Variants in ADAMTS16 observed in about 807,000 individuals in gnomAD.
ADAMTS16 encodes ADAM metallopeptidase with thrombospondin type 1 motif 16.
A neutral mutation model predicts 145.8 loss-of-function variants in ADAMTS16; 94 were observed. The observed-to-expected ratio is 0.64, with a 90% CI of 0.55 to 0.77. The LOEUF (loss-of-function observed/expected upper bound fraction) is 0.77, where lower values mean the gene tolerates loss of function less well. ADAMTS16 is among the 30% of genes least tolerant of loss of function. The pLI is 0.00. For missense variants in ADAMTS16, 1,585 were observed against 1,591.5 expected (o/e 1.00, Z 0.07); for synonymous variants, 659 against 604.3 (o/e 1.09, Z -1.33).
At chr5:5,203,876 G>A (rs574844499) in intron 9 of ADAMTS16, among the ~76,000 whole-genome samples, 3 of 152,216 alleles carry the variant, frequency 2.0e-5, no homozygotes, top group South Asian at 4.2e-4. Flanking sequence ...GAGTGTAAGC[G>A]GCGCCGTACC....
intron 3 of ADAMTS16, among the ~76,000 whole-genome samples, chr5:5,151,214 TCTTATTTATTTA>T (rs1322860103): frequency 6.5e-5 from 9 of 137,902 alleles, no homozygotes; most frequent in Admixed American, 8.3e-5. Context: ...ATTTCTTTTC[TCTTATTTATTTA>T]TTTATTTATT....
At position 5,187,817 on chromosome 5, in the gene ADAMTS16, T is replaced by A. The variant is rs1261566574; in HGVS notation, c.1047+9T>A. 6.6e-7 allele frequency: 1 copy of A among 1,521,390 alleles called. No individual in the cohort carries two copies. Among genetic ancestry groups the A allele is most frequent in the Non-Finnish European group, 9.1e-7 (1 of 1,096,908 alleles). The allele number at this position is 1,521,390 out of a possible 1,614,324, so 94.2% of individuals were successfully genotyped here. On this transcript the variant is annotated intron_variant, in intron 6 of 22. Coordinates refer to ENST00000274181, the MANE Select transcript of ADAMTS16 (RefSeq NM_139056.4). ...TTCTAGAAGATGAACAGGTAGTTTA[T>A]CTTTGAAACTATCTACTCTTTTTAT...
At chr5:5,169,528 T>C (rs895310262) in intron 3 of ADAMTS16, among the ~76,000 whole-genome samples, 3 of 152,204 alleles carry the variant, frequency 2.0e-5, no homozygotes, top group African/African-American at 4.8e-5. Flanking sequence ...TATTATCACC[T>C]TCCTTGAGCC....
At chr5:5,251,950 C>G (rs1399530863) in intron 17 of ADAMTS16, among the ~76,000 whole-genome samples, 1 of 152,100 alleles carries the variant, frequency 6.6e-6, no homozygotes, top group Non-Finnish European at 1.5e-5. Flanking sequence ...TCCCGGGTTC[C>G]CGCCATTCTC....
intron 8 of ADAMTS16, 141 bp from the exon 9 acceptor site, chr5:5,199,991 G>A (rs936285196): frequency 1.0e-6 from 1 of 1,003,104 alleles, no homozygotes. Flanking sequence ...CCAATTGGCA[G>A]TTGTGACTTT....
chr5:5,308,580 G>A (rs1023804614), intron 21 of ADAMTS16, among the ~76,000 whole-genome samples: 3 of 152,202 alleles, frequency 2.0e-5, no homozygotes, highest in Non-Finnish European at 4.4e-5. Flanking sequence ...CTAAAAGGAA[G>A]TATGGACAGA....
chr5:5,235,177 C>G lies in ADAMTS16; in HGVS notation c.2014C>G (p.Gln672Glu), dbSNP rs1737065346. Reference sequence around the variant, plus strand: ...GCACTACAAGTGGAAGCCTTACACTCAAGTAGAAGGTAAATCTCAAACTGC... The same window carrying G: ...GCACTACAAGTGGAAGCCTTACACTGAAGTAGAAGGTAAATCTCAAACTGC... ...GRHYKWKPYT[Q>E]VEDQDLCKLY... Residue 672 changes from glutamine (Q) to glutamate (E), a missense_variant, in exon 13 of 23, where the codon CAA becomes GAA. Physicochemically the swap from Gln to Glu is conservative, Grantham distance 29 (BLOSUM62 2). Around this residue, in one of 3 missense-constraint regions of ADAMTS16, gnomAD observed 834 missense variants for 811.7 expected, o/e 1.03. Transcript: ENST00000274181. The G allele has an allele frequency of 1.3e-6, 2 of 1,568,908 alleles. No individual in the cohort carries two copies. The highest frequency in any genetic ancestry group is 1.1e-5 in the South Asian group (1 of 87,264).
intron 10 of ADAMTS16, among the ~76,000 whole-genome samples, chr5:5,210,208 T>C (rs1406985673): frequency 2.6e-5 from 4 of 152,188 alleles, no homozygotes; most frequent in Admixed American, 2.6e-4. Flanking sequence ...TTTTTAGTGT[T>C]ACTCTTCTGT....
At chr5:5,244,456 G>A (rs1324167072) in intron 17 of ADAMTS16, among the ~76,000 whole-genome samples, 1 of 152,200 alleles carries the variant, frequency 6.6e-6, no homozygotes, top group Non-Finnish European at 1.5e-5. Flanking sequence ...GTTTGAGGCA[G>A]CCATATCAGA....
At chr5:5,191,109 G>A (rs2126576543) in intron 7 of ADAMTS16, among the ~76,000 whole-genome samples, 1 of 152,260 alleles carries the variant, frequency 6.6e-6, no homozygotes, top group Middle Eastern at 3.4e-3. Flanking sequence ...GACTCTGCAG[G>A]GCAAGGACCC....
chr5:5,260,360 T>C (rs576119112), intron 17 of ADAMTS16, among the ~76,000 whole-genome samples: 2 of 152,354 alleles, frequency 1.3e-5, no homozygotes, highest in South Asian at 4.1e-4. Flanking sequence ...AGGCTCAATA[T>C]GTTAAAATAA....
At position 5,241,904 on chromosome 5, in the gene ADAMTS16, A is replaced by G. The variant is rs1296116256; in HGVS notation, c.2524-149A>G. 6 of 1,000,004 alleles carry G rather than the reference A, an allele frequency of 6.0e-6. No individual in the cohort carries two copies. The Admixed American group carries it at 1.7e-4, about 29-fold the overall frequency. The allele number at this position is 1,000,004 out of a possible 1,614,324, so 61.9% of individuals were successfully genotyped here. ...ATGGGAGGGTTCAGAAATTTTATGT[A>G]AAGTTTGGATGATAGTCTGAATGTA... On this transcript the variant is annotated intron_variant, in intron 16 of 22. Transcript: ENST00000274181.
At chr5:5,226,825 G>A (rs1736779089) in intron 11 of ADAMTS16, among the ~76,000 whole-genome samples, 2 of 152,232 alleles carry the variant, frequency 1.3e-5, no homozygotes, top group South Asian at 4.1e-4. Flanking sequence ...CCCTACAGGT[G>A]AGCCTAGTGC....
At chr5:5,272,959 A>C (rs996242212) in intron 18 of ADAMTS16, among the ~76,000 whole-genome samples, 14 of 152,110 alleles carry the variant, frequency 9.2e-5, no homozygotes, top group African/African-American at 3.4e-4. Context: ...GTTTTACTCA[A>C]CTTTGGAGTA....
rs368952151 is a variant in ADAMTS16 at position 5,203,226 on chromosome 5, A to G, written c.1451+2957A>G. ...TTCCAAGAAAGTCTCTTGTTGTTAA[A>G]TTCACTATTAAGATTCATTTTACTC... On this transcript the variant is annotated intron_variant, in intron 9 of 22. Transcript: ENST00000274181. 9.2e-4 allele frequency among the ~76,000 whole-genome samples: 140 copies of G among 152,318 alleles called. 1 individual carries two copies. The highest frequency in any genetic ancestry group is 3.2e-3 in the African/African-American group (135 of 41,588).
At chr5:5,274,608 C>T (rs924468809) in intron 18 of ADAMTS16, among the ~76,000 whole-genome samples, 1 of 152,070 alleles carries the variant, frequency 6.6e-6, no homozygotes, top group Non-Finnish European at 1.5e-5. Context: ...TGCTTAAGGA[C>T]ATCTTGGTTG....
At chr5:5,304,109 G>A (rs1488525121) in intron 20 of ADAMTS16, among the ~76,000 whole-genome samples, 1 of 152,198 alleles carries the variant, frequency 6.6e-6, no homozygotes, top group African/African-American at 2.4e-5. Flanking sequence ...TCCTGGGCAG[G>A]TGTAGCCACA....
At chr5:5,184,926 G>A (rs548906459) in intron 4 of ADAMTS16, among the ~76,000 whole-genome samples, 2 of 152,222 alleles carry the variant, frequency 1.3e-5, no homozygotes, top group East Asian at 3.9e-4. Context: ...GGACCACACT[G>A]TCCAAATCTG....
chr5:5,255,462 T>C (rs1345283147), intron 17 of ADAMTS16, among the ~76,000 whole-genome samples: 1 of 152,186 alleles, frequency 6.6e-6, no homozygotes, highest in African/African-American at 2.4e-5. Flanking sequence ...TGCAGAAAAT[T>C]TTAGAGATCA....
Sources: allele counts gnomAD v4.1 joint callset (sites outside exome capture counted in the v4.1 genomes callset), GRCh38; gene constraint gnomAD v4.1.1; regional missense constraint gnomAD v4.1.1; transcripts MANE v1.5; gene names NCBI Gene and HGNC (gene_info 2026-07-23, HGNC 2026-07-21).